The following ZFHX3 variants were observed in gnomAD, a reference collection of about 807,000 sequenced individuals.
The protein encoded by ZFHX3 is zinc finger homeobox 3, also known as zinc finger homeobox protein 3.
Under a neutral mutation model 279.1 loss-of-function variants are expected in ZFHX3, and 42 were observed. The observed-to-expected ratio is 0.15, with a 90% CI of 0.12 to 0.19. The LOEUF is 0.19. Ranked by LOEUF, ZFHX3 falls within the 10% of genes least tolerant of loss-of-function variation. The pLI is 1.00. For synonymous variants in ZFHX3, 2,293 were observed against 1,957.8 expected, an observed-to-expected ratio of 1.17 and a Z score of -4.52; for missense variants, 4,981 against 4,754.0, an observed-to-expected ratio of 1.05 and a Z score of -1.40.
Position 72,793,215 on chromosome 16 carries a change from G to A in ZFHX3, c.9427+40C>T, listed in dbSNP as rs1397488070. 3 of 1,557,356 alleles carry A rather than the reference G, an allele frequency of 1.9e-6. No individual in the cohort carries two copies. Among genetic ancestry groups the A allele is most frequent in the African/African-American group, 1.4e-5 (1 of 73,258 alleles). ...CACATAACAGAATGCTGACTGGGCA[G>A]CTATTTAGCCCTGAAACAATCGCCT... On this transcript the variant is annotated intron_variant, in intron 9 of 9. Coordinates refer to ENST00000268489, the MANE Select transcript of ZFHX3 (RefSeq NM_006885.4). This position sits in a 1 kb window ranked among gnomAD's most constrained non-coding sequence, Gnocchi z 4.3.
rs1192215550 is a variant in ZFHX3 at position 73,183,487 on chromosome 16, T to C, written c.-1103-39656A>G. ...TACTGTAAAGTGAGGTGGGTGTTTC[T>C]TTGTGTTTTCCCCCTGAAGGGGTCC... On this transcript the variant is annotated intron_variant, in intron 5 of 17. Transcript: ENST00000641206. 2.0e-5 allele frequency among the ~76,000 whole-genome samples: 3 copies of C among 152,224 alleles called. No individual in the cohort carries two copies. The East Asian group carries it at 5.8e-4, about 29-fold the overall frequency.
At chr16:73,620,363 G>C (rs1242500950) in intron 2 of ZFHX3, among the ~76,000 whole-genome samples, 1 of 152,158 alleles carries the variant, frequency 6.6e-6, no homozygotes, top group African/African-American at 2.4e-5. Flanking sequence ...GGCAATAAAT[G>C]GGGGAAAAAA....
chr16:73,416,645 G>A (rs548335385), intron 3 of ZFHX3, among the ~76,000 whole-genome samples: 3 of 152,216 alleles, frequency 2.0e-5, no homozygotes, highest in South Asian at 2.1e-4. Context: ...AGGCCGAGGC[G>A]GGTGGACCAC....
chr16:73,127,677 C>G (rs1392420604), intron 7 of ZFHX3: 1 of 1,186,588 alleles, frequency 8.4e-7, no homozygotes, highest in African/African-American at 1.6e-5. Flanking sequence ...TCATTTAAAA[C>G]CCCGATGCTT....
chr16:73,296,639 A>G (rs79856800), intron 4 of ZFHX3, among the ~76,000 whole-genome samples: 7,962 of 152,248 alleles, frequency 0.052, 355 homozygotes, highest in African/African-American at 0.13. Flanking sequence ...ATGTATAAAT[A>G]GAATTCACCC....
Position 72,949,215 on chromosome 16 carries a change from C to T in ZFHX3, c.3216+1254G>A, listed in dbSNP as rs373455841. Among the ~76,000 whole-genome samples the T allele has an allele frequency of 4.3e-4, 65 of 152,306 alleles. 1 individual carries two copies. Among genetic ancestry groups the T allele is most frequent in the African/African-American group, 1.3e-3 (55 of 41,568 alleles). On this transcript the variant is annotated intron_variant, in intron 3 of 9. Coordinates refer to ENST00000268489, the MANE Select transcript of ZFHX3 (RefSeq NM_006885.4). ...AGAAGTCTTCCTTATATGGAATCTC[C>T]GTTTAAAATCATTCTGAGTAGAGTA... is the stretch of plus-strand genomic sequence containing the variant.
intron 7 of ZFHX3, among the ~76,000 whole-genome samples, chr16:73,109,962 G>A (rs143554940): frequency 3.3e-5 from 5 of 152,170 alleles, no homozygotes; most frequent in Admixed American, 2.6e-4. Flanking sequence ...TCATTTGGGC[G>A]GGGCGCAGTG....
intron 1 of ZFHX3, among the ~76,000 whole-genome samples, chr16:73,732,225 C>T (rs1037167302): frequency 4.6e-5 from 7 of 152,136 alleles, no homozygotes; most frequent in Non-Finnish European, 7.4e-5. Context: ...CTCCGAATTT[C>T]AACACTTACT....
At chr16:73,168,742 A>G (rs1567408365) in intron 5 of ZFHX3, among the ~76,000 whole-genome samples, 1 of 152,122 alleles carries the variant, frequency 6.6e-6, no homozygotes, top group Non-Finnish European at 1.5e-5. Flanking sequence ...ATCTCCATCC[A>G]CAAAACACTC....
chr16:72,836,558 C>T (rs1318245151), intron 4 of ZFHX3, among the ~76,000 whole-genome samples: 1 of 152,124 alleles, frequency 6.6e-6, no homozygotes, highest in Non-Finnish European at 1.5e-5. Context: ...GTACACTCAG[C>T]ATCTTAGTAA....
intron 1 of ZFHX3, among the ~76,000 whole-genome samples, chr16:73,882,604 G>C (rs1014367411): frequency 6.6e-5 from 10 of 151,824 alleles, no homozygotes; most frequent in Non-Finnish European, 1.0e-4. Flanking sequence ...TTTTATTCCA[G>C]GTACAGAAAT....
intron 4 of ZFHX3, among the ~76,000 whole-genome samples, chr16:72,889,119 A>G (rs2038703892): frequency 6.6e-6 from 1 of 152,078 alleles, no homozygotes; most frequent in Non-Finnish European, 1.5e-5. Flanking sequence ...GGGAGGTAGA[A>G]ACGAGGCAAG....
chr16:73,677,163 C>A (rs907230033), intron 2 of ZFHX3, among the ~76,000 whole-genome samples: 2 of 151,716 alleles, frequency 1.3e-5, no homozygotes, highest in African/African-American at 2.4e-5. Flanking sequence ...AATATGTCAA[C>A]AAAATTTAAG....
intron 2 of ZFHX3, among the ~76,000 whole-genome samples, chr16:73,648,134 C>A (rs533202781): frequency 3.9e-5 from 6 of 152,100 alleles, no homozygotes; most frequent in Non-Finnish European, 8.8e-5. Flanking sequence ...CACTTATTTC[C>A]CCTGCTAGGA....
At chr16:72,805,661 C>A (rs754295943) in intron 7 of ZFHX3, among the ~76,000 whole-genome samples, 1 of 152,160 alleles carries the variant, frequency 6.6e-6, no homozygotes, top group Non-Finnish European at 1.5e-5. Flanking sequence ...GCTGTTCCAG[C>A]GAGAGGCCAG....
chr16:73,781,799 C>T (rs1012184518), intron 1 of ZFHX3, among the ~76,000 whole-genome samples: 19 of 152,096 alleles, frequency 1.2e-4, no homozygotes, highest in Non-Finnish European at 2.2e-4. Context: ...CCAGCCTGAC[C>T]AACATAGTGA....
At chr16:73,473,708 C>A (rs2143609344) in intron 2 of ZFHX3, among the ~76,000 whole-genome samples, 1 of 152,260 alleles carries the variant, frequency 6.6e-6, no homozygotes, top group African/African-American at 2.4e-5. Flanking sequence ...CAAACTCTAC[C>A]ATCTCATGGT....
At chr16:73,865,603 C>T (rs1447485475) in intron 1 of ZFHX3, among the ~76,000 whole-genome samples, 3 of 152,188 alleles carry the variant, frequency 2.0e-5, no homozygotes, top group Non-Finnish European at 2.9e-5. Flanking sequence ...CAGTTCTGGG[C>T]CATTGGCACC....
Position 73,112,715 on chromosome 16 carries a change from C to CAAA in ZFHX3, c.-897+18250_-897+18252dup, listed in dbSNP as rs56149570. On this transcript the variant is annotated intron_variant, in intron 7 of 17. Transcript: ENST00000641206. ...TGGGCGACGGCGTGAGACTCCATCTCAAAAAAAAAAAAAAAAAAAAAAAAA... is the reference window on the plus strand; with the variant it reads ...TGGGCGACGGCGTGAGACTCCATCTCAAAAAAAAAAAAAAAAAAAAAAAAAAAA... 4.0e-3 allele frequency among the ~76,000 whole-genome samples: 121 copies of CAAA among 30,240 alleles called. 9 individuals carry two copies. The highest frequency in any genetic ancestry group is 0.011 in the East Asian group (7 of 658). The allele number at this position is 30,240 out of a possible 152,430, so 19.8% of individuals were successfully genotyped here. A position where few individuals can be genotyped will look rare whatever the true frequency, so the allele number is the denominator to read the frequency against.
Sources: gnomAD v4.1 joint callset for allele counts (sites outside exome capture counted in the v4.1 genomes callset) on GRCh38, gnomAD v4.1.1 for gene constraint, Gnocchi (gnomAD v3.1) non-coding constraint, MANE v1.5 for transcripts, NCBI Gene and HGNC (gene_info 2026-07-23, HGNC 2026-07-21) for gene names.